Variants in PDE3B observed in about 807,000 individuals in gnomAD.
PDE3B encodes phosphodiesterase 3B.
In PDE3B, 66 loss-of-function variants were observed where a neutral mutation model predicts 116.8. The observed-to-expected ratio is 0.56, with a 90% CI of 0.46 to 0.69. The LOEUF (loss-of-function observed/expected upper bound fraction) is 0.69, where lower values mean the gene tolerates loss of function less well. Ranked by LOEUF, PDE3B falls within the 30% of genes least tolerant of loss-of-function variation. The probability of loss-of-function intolerance (pLI) is 0.00; values close to 1 mark genes in which losing one functional copy is unlikely to be tolerated. For missense variants in PDE3B, 1,384 were observed against 1,368.1 expected (o/e 1.01, Z -0.18); for synonymous variants, 595 against 533.6 (o/e 1.12, Z -1.59).
chr11:14,856,670 G>A (rs1847856395), intron 12 of PDE3B, among the ~76,000 whole-genome samples: 1 of 152,034 alleles, frequency 6.6e-6, no homozygotes. Context: ...CTGGTAACAT[G>A]GTGAAACCCC....
At position 14,846,649 on chromosome 11, in the gene PDE3B, A is replaced by G. The variant is rs1332077816; in HGVS notation, c.2520+2623A>G. Among the ~76,000 whole-genome samples the G allele has an allele frequency of 2.6e-5, 4 of 152,182 alleles. No homozygotes were observed. In the East Asian group the frequency reaches 5.8e-4, roughly 22 times the overall value. Reference sequence around the variant, plus strand: ...AAAATAAAAGGATGGAGGAAGATCTACCAAGCAAATGAAAAACAAAAAAAG... The same window carrying G: ...AAAATAAAAGGATGGAGGAAGATCTGCCAAGCAAATGAAAAACAAAAAAAG... On this transcript the variant is annotated intron_variant, in intron 12 of 15. Coordinates refer to ENST00000282096, the MANE Select transcript of PDE3B (RefSeq NM_000922.4).
intron 12 of PDE3B, among the ~76,000 whole-genome samples, chr11:14,849,131 A>C (rs1847681142): frequency 6.6e-6 from 1 of 152,204 alleles, no homozygotes; most frequent in African/African-American, 2.4e-5. Context: ...ACTGGTACCA[A>C]AACAGAGATA....
chr11:14,865,403 G>A (rs1432370784), intron 14 of PDE3B, among the ~76,000 whole-genome samples: 1 of 152,068 alleles, frequency 6.6e-6, no homozygotes, highest in African/African-American at 2.4e-5. Context: ...TATCAGGAAA[G>A]GTCAACATAT....
At chr11:14,780,986 C>G (rs1237014734) in intron 2 of PDE3B, among the ~76,000 whole-genome samples, 4 of 152,090 alleles carry the variant, frequency 2.6e-5, no homozygotes, top group African/African-American at 9.7e-5. Context: ...GGGGATATCA[C>G]CACCAATCCT....
chr11:14,670,080 G>C (rs1190690322), intron 1 of PDE3B, among the ~76,000 whole-genome samples: 3 of 152,070 alleles, frequency 2.0e-5, no homozygotes, highest in African/African-American at 7.2e-5. Context: ...AGTTATCTGG[G>C]TGATTTACAC....
At chr11:14,876,347 T>C (rs1848189065), downstream of PDE3B, among the ~76,000 whole-genome samples, 2 of 151,936 alleles carry the variant, frequency 1.3e-5, no homozygotes, top group African/African-American at 4.8e-5. Flanking sequence ...TCTGAAAAAA[T>C]AAAATAAAAT....
chr11:14,831,579 A>G, intron 8 of PDE3B, 61 bp from the exon 9 acceptor site: 1 of 1,018,464 alleles, frequency 9.8e-7, no homozygotes, highest in African/African-American at 1.7e-5. Context: ...TCTCATTGTA[A>G]TATATATTTT....
chr11:14,859,444 T>G (rs190880049), intron 13 of PDE3B, among the ~76,000 whole-genome samples, 198 bp downstream of exon 13: 1 of 152,336 alleles, frequency 6.6e-6, no homozygotes, highest in Admixed American at 6.5e-5. Flanking sequence ...AAAATATTAT[T>G]GCTTGTTATA....
At chr11:14,787,436 A>G (rs888355822) in intron 3 of PDE3B, among the ~76,000 whole-genome samples, 1 of 151,976 alleles carries the variant, frequency 6.6e-6, no homozygotes, top group African/African-American at 2.4e-5. Flanking sequence ...AGAGAAGACA[A>G]AATTTATTTC....
At chr11:14,804,525 A>G (rs1229059349) in intron 5 of PDE3B, among the ~76,000 whole-genome samples, 1 of 152,150 alleles carries the variant, frequency 6.6e-6, no homozygotes, top group African/African-American at 2.4e-5. Context: ...TAATAAATAC[A>G]ACATAGGAAT....
At chr11:14,785,168 T>C (rs1858151780) in intron 2 of PDE3B, among the ~76,000 whole-genome samples, 1 of 152,148 alleles carries the variant, frequency 6.6e-6, no homozygotes, top group Admixed American at 6.5e-5. Context: ...TTTAGAGGAA[T>C]GACCTTATTT....
chr11:14,817,694 C>T (rs1229362395), intron 5 of PDE3B, among the ~76,000 whole-genome samples: 4 of 151,974 alleles, frequency 2.6e-5, no homozygotes, highest in East Asian at 3.9e-4. Context: ...CATGATTGTG[C>T]CACTGGAATC....
chr11:14,851,509 G>GGTGTGTGTGT (rs35913217), intron 12 of PDE3B, among the ~76,000 whole-genome samples: 1 of 148,446 alleles, frequency 6.7e-6, no homozygotes, highest in East Asian at 2.0e-4. Flanking sequence ...GGTATAATGG[G>GGTGTGTGTGT]GTGTGTGTGT....
At chr11:14,888,445 C>A in the PDE3B span, among the ~76,000 whole-genome samples, 1 of 152,090 alleles carries the variant, frequency 6.6e-6, no homozygotes, top group African/African-American at 2.4e-5. Context: ...TTGATGAAAA[C>A]CATTAAGTGA....
chr11:14,683,261 G>T lies in PDE3B; in HGVS notation c.978+38208G>T, dbSNP rs74579741. On this transcript the variant is annotated intron_variant, in intron 1 of 15. Transcript: ENST00000282096. ...GGCCTGATTTTTTTCTTTTAATGTT[G>T]GGTTGAATTTGCTAGTGAAACCATC... Among the ~76,000 whole-genome samples the T allele has an allele frequency of 4.9e-4, 75 of 151,828 alleles. 2 individuals are homozygous for T. In the East Asian group the frequency reaches 0.014, roughly 28 times the overall value.
At chr11:14,872,713 T>C (rs1848155676), downstream of PDE3B, among the ~76,000 whole-genome samples, 2 of 152,182 alleles carry the variant, frequency 1.3e-5, no homozygotes, top group African/African-American at 2.4e-5. Flanking sequence ...GCTATAAAAA[T>C]CTTCACATAT....
At chr11:14,842,305 T>C (rs756386438) in intron 11 of PDE3B, among the ~76,000 whole-genome samples, 2 of 152,236 alleles carry the variant, frequency 1.3e-5, no homozygotes, top group Non-Finnish European at 2.9e-5. Context: ...TTTTTTGTAC[T>C]GTTATTTTTT....
intron 1 of PDE3B, among the ~76,000 whole-genome samples, chr11:14,722,059 A>T (rs1856123433): frequency 6.6e-6 from 1 of 151,798 alleles, no homozygotes; most frequent in South Asian, 2.1e-4. Flanking sequence ...TATCGCCAGG[A>T]CAAAAAACAA....
At chr11:14,810,204 A>C (rs1015980503) in intron 5 of PDE3B, among the ~76,000 whole-genome samples, 3 of 152,064 alleles carry the variant, frequency 2.0e-5, no homozygotes, top group African/African-American at 7.2e-5. Flanking sequence ...TTTAGGGTAC[A>C]TGTGCCCAAT....
Sources: allele counts gnomAD v4.1 joint callset (sites outside exome capture counted in the v4.1 genomes callset), GRCh38; gene constraint gnomAD v4.1.1; transcripts MANE v1.5; gene names NCBI Gene and HGNC (gene_info 2026-07-23, HGNC 2026-07-21).